Variants in SMIM20 observed in about 807,000 individuals in gnomAD.
SMIM20 encodes mitochondrial translation regulation assembly intermediate of cytochrome c oxidase protein of 7 kDa.
SMIM20 carries 3 observed loss-of-function variants against 8.7 expected under a neutral mutation model. The ratio of observed to expected loss-of-function variants is 0.34; its 90% CI spans 0.16 to 0.89. The LOEUF (loss-of-function observed/expected upper bound fraction) is 0.89, where lower values mean the gene tolerates loss of function less well. Ranked by LOEUF, SMIM20 falls within the 40% of genes least tolerant of loss-of-function variation. The pLI is 0.49. For synonymous variants in SMIM20, 44 were observed against 33.6 expected (o/e 1.31, Z -1.07); for missense variants, 85 against 84.8 (o/e 1.00, Z -0.01).
In SMIM20 at chr4:25,914,285, C is replaced by A; in HGVS notation, c.-29C>A. On this transcript the variant is annotated 5_prime_UTR_variant, in exon 1 of 3. Transcript: ENST00000506197. ...GTTTCCGAGAGTGCCGGGCGGTCGG[C>A]GGGTCAGGGCAGCCCGGGGCCTGAC... 1 of 1,533,682 alleles carries A rather than the reference C, an allele frequency of 6.5e-7. No homozygotes were observed. The highest frequency in any genetic ancestry group is 8.8e-7 in the Non-Finnish European group (1 of 1,136,326).
intron 1 of SMIM20, among the ~76,000 whole-genome samples, chr4:25,918,705 G>T (rs1406676641): frequency 6.6e-6 from 1 of 151,486 alleles, no homozygotes; most frequent in Non-Finnish European, 1.5e-5. Flanking sequence ...TAGAGACGGG[G>T]TTTCACCATG....
At chr4:25,919,184 G>A (rs886692662) in intron 1 of SMIM20, among the ~76,000 whole-genome samples, 1 of 151,906 alleles carries the variant, frequency 6.6e-6, no homozygotes. Flanking sequence ...GATTACAGGC[G>A]TGAGCCACCG....
At chr4:25,922,114 T>G (rs1426363109) in intron 1 of SMIM20, among the ~76,000 whole-genome samples, 1 of 152,184 alleles carries the variant, frequency 6.6e-6, no homozygotes, top group Non-Finnish European at 1.5e-5. Context: ...AATAGTGTAT[T>G]AAGTTGACTA....
chr4:25,915,855 G>A (rs1486478144), intron 1 of SMIM20, among the ~76,000 whole-genome samples: 2 of 103,624 alleles, frequency 1.9e-5, no homozygotes, highest in African/African-American at 3.8e-5. Flanking sequence ...AACTTGGGAT[G>A]GGGCGGGGGG....
chr4:25,922,259 GGA>G (rs777056167), intron 1 of SMIM20, among the ~76,000 whole-genome samples: 12 of 152,160 alleles, frequency 7.9e-5, no homozygotes, highest in Non-Finnish European at 1.8e-4. Context: ...GAAAGCTGCT[GGA>G]GAGAGAAGAC....
intron 1 of SMIM20, among the ~76,000 whole-genome samples, chr4:25,923,291 A>G (rs548909919): frequency 4.6e-5 from 7 of 152,362 alleles, no homozygotes; most frequent in Non-Finnish European, 7.3e-5. Context: ...AGAACTAGAC[A>G]GTGACCCTGA....
chr4:25,916,244 G>A (rs762761736), intron 1 of SMIM20, among the ~76,000 whole-genome samples: 7 of 150,494 alleles, frequency 4.7e-5, no homozygotes, highest in East Asian at 1.9e-4. Flanking sequence ...CTTTTTTTCC[G>A]CTGTCACCCA....
intron 1 of SMIM20, among the ~76,000 whole-genome samples, chr4:25,922,484 G>A (rs1277503017): frequency 6.6e-6 from 1 of 152,158 alleles, no homozygotes; most frequent in Non-Finnish European, 1.5e-5. Context: ...ATGAGTAAGA[G>A]GCACCAACTC....
At chr4:25,914,655 C>G (rs1416823330) in intron 1 of SMIM20, among the ~76,000 whole-genome samples, 1 of 152,196 alleles carries the variant, frequency 6.6e-6, no homozygotes, top group Non-Finnish European at 1.5e-5. Context: ...AAATGCCGAG[C>G]CTCCTGTGAG....
chr4:25,928,691 C>A (rs1162613389), intron 2 of SMIM20, among the ~76,000 whole-genome samples: 3 of 152,182 alleles, frequency 2.0e-5, no homozygotes, highest in African/African-American at 7.2e-5. Flanking sequence ...TACCAAGCAC[C>A]TATTTAAACA....
chr4:25,924,778 C>T (rs1426309803), intron 1 of SMIM20, among the ~76,000 whole-genome samples: 1 of 152,170 alleles, frequency 6.6e-6, no homozygotes, highest in South Asian at 2.1e-4. Flanking sequence ...CTTATGTAAT[C>T]ACAATGCGGT....
intron 1 of SMIM20, among the ~76,000 whole-genome samples, chr4:25,915,559 C>G (rs896684705): frequency 1.7e-4 from 26 of 152,160 alleles, no homozygotes; most frequent in African/African-American, 6.3e-4. Flanking sequence ...TTTCATTAGC[C>G]AAGACTGAAA....
At chr4:25,923,800 A>T (rs1719241419) in intron 1 of SMIM20, among the ~76,000 whole-genome samples, 1 of 152,252 alleles carries the variant, frequency 6.6e-6, no homozygotes, top group Admixed American at 6.5e-5. Flanking sequence ...TGCTTAGAAT[A>T]TGCTTTTCAG....
At chr4:25,925,848 C>T (rs990302262) in intron 1 of SMIM20, among the ~76,000 whole-genome samples, 17 of 152,170 alleles carry the variant, frequency 1.1e-4, no homozygotes, top group African/African-American at 3.6e-4. Context: ...CTTTTACTAT[C>T]GTACAAAAAA....
At chr4:25,919,398 G>A (rs1357954272) in intron 1 of SMIM20, among the ~76,000 whole-genome samples, 1 of 151,214 alleles carries the variant, frequency 6.6e-6, no homozygotes, top group Non-Finnish European at 1.5e-5. Context: ...TAGTGCAGTG[G>A]CAAGATCTCG....
At position 25,929,546 on chromosome 4, in the gene SMIM20, C is replaced by T. The variant is rs556128418; in HGVS notation, c.*355C>T. 3 of 189,096 alleles carry T rather than the reference C, an allele frequency of 1.6e-5. No individual in the cohort carries two copies. Among genetic ancestry groups the T allele is most frequent in the South Asian group, 1.9e-4 (1 of 5,328 alleles). The allele number at this position is 189,096 out of a possible 1,614,324, so 11.7% of individuals were successfully genotyped here. A position where few individuals can be genotyped will look rare whatever the true frequency, so the allele number is the denominator to read the frequency against. The stretch of plus-strand genomic sequence containing the variant: ...TATGAATACAAGCAACCAGTGGGCT[C>T]GGGAAGGTCCGGGTCTCTTCTGCCA... On this transcript the variant is annotated 3_prime_UTR_variant, in exon 3 of 3. Transcript: ENST00000506197.
chr4:25,926,864 G>A (rs2109366175), intron 1 of SMIM20, among the ~76,000 whole-genome samples: 1 of 152,256 alleles, frequency 6.6e-6, no homozygotes, highest in South Asian at 2.1e-4. Context: ...TTCTATTTTT[G>A]TTCCTGCCAA....
chr4:25,916,980 A>C (rs1719102839), intron 1 of SMIM20, among the ~76,000 whole-genome samples: 1 of 152,194 alleles, frequency 6.6e-6, no homozygotes, highest in African/African-American at 2.4e-5. Context: ...TCTTCTAAGC[A>C]CTTCCTATAT....
intron 1 of SMIM20, among the ~76,000 whole-genome samples, chr4:25,922,272 A>C (rs1405957816): frequency 6.6e-6 from 1 of 152,176 alleles, no homozygotes; most frequent in African/African-American, 2.4e-5. Context: ...GAGAGAAGAC[A>C]GTCCGTAGAG....
Sources: allele counts gnomAD v4.1 joint callset (sites outside exome capture counted in the v4.1 genomes callset), GRCh38; gene constraint gnomAD v4.1.1; transcripts MANE v1.5; gene names NCBI Gene and HGNC (gene_info 2026-07-23, HGNC 2026-07-21).